ZNF592: variants seen among roughly 807,000 people sequenced by gnomAD.
The protein encoded by ZNF592 is spinocerebellar ataxia, autosomal recessive 5.
In ZNF592, 11 loss-of-function variants were observed where a neutral mutation model predicts 80.3. The ratio of observed to expected loss-of-function variants is 0.14; its 90% CI spans 0.09 to 0.23. The LOEUF (loss-of-function observed/expected upper bound fraction) is 0.23, where lower values mean the gene tolerates loss of function less well. Ranked by LOEUF, ZNF592 falls within the 10% of genes least tolerant of loss-of-function variation. The pLI, the probability that ZNF592 is intolerant of heterozygous loss-of-function variation, is 1.00. For missense variants in ZNF592, 1,420 were observed against 1,633.9 expected (o/e 0.87, Z 2.26); for synonymous variants, 646 against 640.3 (o/e 1.01, Z -0.13).
In ZNF592 at chr15:84,799,875, G is replaced by T. The variant is rs200937135; in HGVS notation, c.3171G>T (p.Arg1057=). ...YCTEDSPSFP[R]PSLLESHISL... ...CAGAGGACAGCCCCAGCTTTCCTCG[G>T]CCCTCCCTTCTGGAGAGCCACATCA... Residue 1057 remains arginine (R), a synonymous_variant, in exon 10 of 11, where the codon CGG becomes CGT. Coordinates refer to ENST00000560079, the MANE Select transcript of ZNF592 (RefSeq NM_014630.3). This position sits in a 1 kb window ranked among gnomAD's most constrained non-coding sequence, Gnocchi z 4.2. 1.2e-6 allele frequency: 2 copies of T among 1,614,018 alleles called. No homozygotes were observed. The highest frequency in any genetic ancestry group is 1.1e-5 in the South Asian group (1 of 91,090).
At chr15:84,772,411 G>C (rs1378018274) in intron 2 of ZNF592, among the ~76,000 whole-genome samples, 1 of 152,202 alleles carries the variant, frequency 6.6e-6, no homozygotes, top group East Asian at 1.9e-4. Flanking sequence ...CTGGCCAGGC[G>C]TGGTGGTGCA....
At chr15:84,760,576 G>T (rs575473013) in intron 1 of ZNF592, among the ~76,000 whole-genome samples, 49 of 152,278 alleles carry the variant, frequency 3.2e-4, no homozygotes, top group African/African-American at 1.1e-3. Flanking sequence ...ACAAGGCCTG[G>T]CACACAGTAA....
At chr15:84,775,576 G>A (rs1962224046) in intron 2 of ZNF592, among the ~76,000 whole-genome samples, 1 of 152,118 alleles carries the variant, frequency 6.6e-6, no homozygotes, top group South Asian at 2.1e-4. Context: ...GGGTTTGCAG[G>A]TGCACACCAC....
rs995478078 is a variant in ZNF592, at chr15:84,782,995, G to C, written c.320G>C (p.Cys107Ser). The C allele has an allele frequency of 1.9e-6, 3 of 1,614,160 alleles. No individual in the cohort carries two copies. Among genetic ancestry groups the C allele is most frequent in the Non-Finnish European group, 2.5e-6 (3 of 1,180,026 alleles). The change falls in exon 4 of 11, where the codon TGT (cysteine) becomes TCT (serine). Residue 107 changes from cysteine to serine, a missense_variant. Coordinates refer to ENST00000560079, the MANE Select transcript of ZNF592 (RefSeq NM_014630.3). ...GSDLPPDPHNCGKFDSTFMNG... is the reference protein window; with the variant it reads ...GSDLPPDPHNSGKFDSTFMNG... ...GATCTGCCTCCAGATCCCCACAACT[G>C]TGGGAAATTTGATTCTACTTTTATG...
chr15:84,768,610 CTTTT>C, intron 2 of ZNF592, among the ~76,000 whole-genome samples: 1 of 152,146 alleles, frequency 6.6e-6, no homozygotes, highest in Non-Finnish European at 1.5e-5. Context: ...CAGAGCTAGC[CTTTT>C]CTTTCCTCTG....
rs1369139689 is a variant in ZNF592, at chr15:84,804,465, G to GT, written c.*2073dup. 1 of 152,214 alleles carries GT rather than the reference G, an allele frequency of 6.6e-6. No individual in the cohort carries two copies. The highest frequency in any genetic ancestry group is 1.5e-5 in the Non-Finnish European group (1 of 68,050). 9.4% of individuals were successfully genotyped at this position (152,214 alleles called of 1,614,324 possible). A position where few individuals can be genotyped will look rare whatever the true frequency, so the allele number is the denominator to read the frequency against. Reference sequence around the variant, plus strand: ...TATACATCTCCTTCCTGGGAAGAACGTGAGTTGGAAAAATGCTGAGCCAGT... The same window carrying GT: ...TATACATCTCCTTCCTGGGAAGAACGTTGAGTTGGAAAAATGCTGAGCCAGT... On this transcript the variant is annotated 3_prime_UTR_variant, in exon 11 of 11. Coordinates refer to ENST00000560079, the MANE Select transcript of ZNF592 (RefSeq NM_014630.3).
chr15:84,780,479 A>G (rs1962388704), intron 3 of ZNF592, among the ~76,000 whole-genome samples: 1 of 152,216 alleles, frequency 6.6e-6, no homozygotes, highest in Non-Finnish European at 1.5e-5. Context: ...CTCCTGTTCC[A>G]AGAGACAAAC....
chr15:84,760,478 C>T (rs555517753), intron 1 of ZNF592, among the ~76,000 whole-genome samples: 4 of 152,294 alleles, frequency 2.6e-5, no homozygotes, highest in African/African-American at 9.6e-5. Context: ...TGTCTGTCTC[C>T]TTCCAGTGGA....
intron 4 of ZNF592, among the ~76,000 whole-genome samples, chr15:84,788,448 C>G (rs1043001677): frequency 6.6e-6 from 1 of 152,078 alleles, no homozygotes; most frequent in East Asian, 1.9e-4. Context: ...ATATAGTTTA[C>G]GTTGGAAAAT....
intron 5 of ZNF592, 108 bp downstream of exon 5, chr15:84,790,991 C>A: frequency 1.6e-6 from 2 of 1,280,640 alleles, no homozygotes; most frequent in African/African-American, 1.5e-5. Context: ...GGGTTCCAGT[C>A]TACACAGGAC....
At position 84,805,412 on chromosome 15, in the gene ZNF592, T is replaced by G. The variant is rs969458406; in HGVS notation, c.*3019T>G. The G allele has an allele frequency of 1.3e-5, 2 of 152,508 alleles. No homozygotes were observed. Among genetic ancestry groups the G allele is most frequent in the African/African-American group, 4.8e-5 (2 of 41,464 alleles). 9.4% of individuals were successfully genotyped at this position (152,508 alleles called of 1,614,324 possible). A position where few individuals can be genotyped will look rare whatever the true frequency, so the allele number is the denominator to read the frequency against. ...CTGTAACAAGCGTTTATCTGCACATTATGCTGCAGTGAATGCTCTACTGAT... is the reference window on the plus strand; with the variant it reads ...CTGTAACAAGCGTTTATCTGCACATGATGCTGCAGTGAATGCTCTACTGAT... On this transcript the variant is annotated 3_prime_UTR_variant, in exon 11 of 11. Transcript: ENST00000560079.
Position 84,799,727 on chromosome 15 carries a change from A to G in ZNF592, c.3138-115A>G. The stretch of plus-strand genomic sequence containing the variant: ...GCTGGATCTCTCTGGGGTTCCCAGC[A>G]CTAGCCAGCCCAGGAGTCTGCTCCA... On this transcript the variant is annotated intron_variant, in intron 9 of 10. Transcript: ENST00000560079. The surrounding 1 kb of genome is among the most constrained non-coding windows in gnomAD (Gnocchi z 4.2). 6.5e-7 allele frequency: 1 copy of G among 1,527,886 alleles called. No individual in the cohort carries two copies. The highest frequency in any genetic ancestry group is 9.0e-7 in the Non-Finnish European group (1 of 1,116,552). 94.6% of individuals were successfully genotyped at this position (1,527,886 alleles called of 1,614,324 possible).
intron 2 of ZNF592, among the ~76,000 whole-genome samples, chr15:84,776,627 A>ATG: frequency 2.0e-5 from 3 of 152,190 alleles, no homozygotes; most frequent in Non-Finnish European, 4.4e-5. Context: ...ATGGTGGCAC[A>ATG]CATCTGTAAT....
At chr15:84,765,535 G>GTTTTTTTTTTTTTTTTT (rs71453265) in intron 2 of ZNF592, among the ~76,000 whole-genome samples, 2 of 92,280 alleles carry the variant, frequency 2.2e-5, no homozygotes. Flanking sequence ...TGTTATTATT[G>GTTTTTTTTTTTTTTTTT]TTTTTTTTTT....
At chr15:84,776,654 G>C (rs1962261266) in intron 2 of ZNF592, among the ~76,000 whole-genome samples, 1 of 152,228 alleles carries the variant, frequency 6.6e-6, no homozygotes, top group Non-Finnish European at 1.5e-5. Context: ...TGCTCAGGAG[G>C]CTGAGGCACA....
At chr15:84,786,146 C>T (rs1426777773) in intron 4 of ZNF592, among the ~76,000 whole-genome samples, 1 of 152,236 alleles carries the variant, frequency 6.6e-6, no homozygotes, top group African/African-American at 2.4e-5. Flanking sequence ...TGTGCATGGG[C>T]TGGGGGTCTA....
At chr15:84,763,216 A>G (rs536129009) in intron 1 of ZNF592, among the ~76,000 whole-genome samples, 1 of 152,294 alleles carries the variant, frequency 6.6e-6, no homozygotes, top group South Asian at 2.1e-4. Flanking sequence ...CAGTGTGAAG[A>G]GTGTGTTATA....
intron 3 of ZNF592, among the ~76,000 whole-genome samples, chr15:84,781,058 T>C (rs1394901404): frequency 2.6e-5 from 4 of 152,070 alleles, no homozygotes; most frequent in African/African-American, 4.8e-5. Flanking sequence ...TATTTATTTA[T>C]TTATTTTGAG....
In ZNF592 at chr15:84,783,442, A is replaced by G; in HGVS notation, c.767A>G (p.Lys256Arg). The G allele has an allele frequency of 1.9e-6, 3 of 1,614,198 alleles. No homozygotes were observed. The highest frequency in any genetic ancestry group is 1.7e-6 in the Non-Finnish European group (2 of 1,180,016). The change falls in exon 4 of 11, where the codon AAG becomes AGG. Residue 256 changes from lysine (K) to arginine (R), a missense_variant. Transcript: ENST00000560079. The surrounding 1 kb of genome is among the most constrained non-coding windows in gnomAD (Gnocchi z 5.0). The stretch of plus-strand genomic sequence containing the variant: ...CCTAGCAACAGTATTGGAGAGTCCA[A>G]GGGGCTTGCCCGGGAGCTTGGTACC... ...SHPSNSIGES[K>R]GLARELGTCS...
Sources: gnomAD v4.1 joint callset for allele counts (sites outside exome capture counted in the v4.1 genomes callset) on GRCh38, gnomAD v4.1.1 for gene constraint, Gnocchi (gnomAD v3.1) non-coding constraint, MANE v1.5 for transcripts, NCBI Gene and HGNC (gene_info 2026-07-23, HGNC 2026-07-21) for gene names.